RNF6: variants seen among roughly 807,000 people sequenced by gnomAD.
RNF6 encodes ring finger protein 6.
In RNF6, 21 loss-of-function variants were observed where a neutral mutation model predicts 50.1. The observed-to-expected ratio is 0.42, with a 90% CI of 0.30 to 0.60. The LOEUF is 0.60. RNF6 is among the 20% of genes least tolerant of loss of function. The pLI is 0.20. For synonymous variants in RNF6, 255 were observed against 291.8 expected, an observed-to-expected ratio of 0.87 and a Z score of 1.29; for missense variants, 698 against 838.2, an observed-to-expected ratio of 0.83 and a Z score of 2.07.
intron 5 of RNF6, among the ~76,000 whole-genome samples, chr13:26,184,000 A>ATATATT (rs1410596842): frequency 8.1e-3 from 79 of 9,730 alleles, no homozygotes; most frequent in African/African-American, 0.017. Context: ...AAATATATAT[A>ATATATT]TATATATATA....
intron 5 of RNF6, among the ~76,000 whole-genome samples, chr13:26,144,208 C>T (rs1233761232): frequency 6.6e-6 from 1 of 152,148 alleles, no homozygotes; most frequent in Non-Finnish European, 1.5e-5. Context: ...GCATAACCTC[C>T]ATCCCTGCCA....
At position 26,158,068 on chromosome 13, in the gene RNF6, A is replaced by G. The variant is rs1872033754; in HGVS notation, n.769-25617T>C. On this transcript the variant is annotated intron_variant and non_coding_transcript_variant, in intron 5 of 5. Coordinates refer to the RNF6 transcript ENST00000468480. ...GCTAGAAAGACAAATGGATGAATAG[A>G]TGAAACATGAATGGATAGATGGATA... 2.0e-5 allele frequency among the ~76,000 whole-genome samples: 3 copies of G among 152,160 alleles called. No individual in the cohort carries two copies. In the South Asian group the frequency reaches 6.2e-4, roughly 32 times the overall value.
In RNF6 at chr13:26,141,800, C is replaced by G. The variant is rs532785539; in HGVS notation, n.769-9349G>C. Among the ~76,000 whole-genome samples, 145 of 152,146 alleles carry G rather than the reference C, an allele frequency of 9.5e-4. 4 individuals are homozygous for G. In the South Asian group the frequency reaches 0.028, roughly 29 times the overall value. On this transcript the variant is annotated intron_variant and non_coding_transcript_variant, in intron 5 of 5. Transcript: ENST00000468480. ...ATTCTAAAAGAAAACCTAGGACATA[C>G]CTTTCTGGACATTGGCCTTGGAAAA... is the stretch of plus-strand genomic sequence containing the variant.
chr13:26,142,349 C>A (rs1262768833), intron 5 of RNF6: 2 of 152,116 alleles, frequency 1.3e-5, no homozygotes, highest in Non-Finnish European at 2.9e-5. Context: ...AAAAATAAAA[C>A]TACCATTCAA....
At position 26,219,623 on chromosome 13, in the gene RNF6, A is replaced by G. The variant is rs759587532; in HGVS notation, c.27T>C (p.Asp9=). Residue 9 remains aspartate (D), a synonymous_variant, in exon 3 of 5, where the codon GAT becomes GAC. Transcript: ENST00000381588. Reference sequence around the variant, plus strand: ...GAGGTAAGGTTTCTTCACTGCCACCATCTGATCTCGATCTAGACTGATTCA... The same window carrying G: ...GAGGTAAGGTTTCTTCACTGCCACCGTCTGATCTCGATCTAGACTGATTCA... MNQSRSRS[D]GGSEETLPQD... 3.1e-6 allele frequency: 5 copies of G among 1,613,518 alleles called. No homozygotes were observed. Among genetic ancestry groups the G allele is most frequent in the African/African-American group, 1.3e-5 (1 of 74,930 alleles).
intron 5 of RNF6, among the ~76,000 whole-genome samples, chr13:26,170,583 T>C (rs1456485328): frequency 6.6e-6 from 1 of 152,176 alleles, no homozygotes; most frequent in African/African-American, 2.4e-5. Context: ...AGTGTGATCT[T>C]GAAAATTATC....
chr13:26,158,523 C>A (rs748034751), intron 5 of RNF6, among the ~76,000 whole-genome samples: 12 of 152,062 alleles, frequency 7.9e-5, no homozygotes, highest in Non-Finnish European at 1.5e-4. Context: ...TTATAAATAT[C>A]TACTAGTAAA....
intron 4 of RNF6, among the ~76,000 whole-genome samples, chr13:26,216,771 G>A (rs1869922942): frequency 6.6e-6 from 1 of 152,076 alleles, no homozygotes; most frequent in Admixed American, 6.5e-5. Context: ...TGACTGACAT[G>A]GTAAAAACCT....
Position 26,215,359 on chromosome 13 carries a change from A to T in RNF6, c.523T>A (p.Ser175Thr), listed in dbSNP as rs533416473. Residue 175 changes from serine to threonine, a missense_variant, in exon 5 of 5, where the codon TCA becomes ACA. Coordinates refer to ENST00000381588, the MANE Select transcript of RNF6 (RefSeq NM_005977.4). ...GCAGTATGATCTCTGTTACTATCTG[A>T]AAGTGGAATGTCTGTATAATCTTCT... ...HGEDYTDIPL[S>T]DSNRDHTANR... The T allele has an allele frequency of 6.2e-7, 1 of 1,614,186 alleles. No individual in the cohort carries two copies. Among genetic ancestry groups the T allele is most frequent in the South Asian group, 1.1e-5 (1 of 91,084 alleles).
At chr13:26,132,298 CTGTT>C (rs1299980336) in exon 6 of RNF6, 1 of 333,550 alleles carries the variant, frequency 3.0e-6, no homozygotes, top group Admixed American at 4.1e-5. Flanking sequence ...AGAAAAAAAA[CTGTT>C]TGTGAAGAGA....
Position 26,214,432 on chromosome 13 carries a change from A to C in RNF6, c.1450T>G (p.Leu484Val). 6.2e-7 allele frequency: 1 copy of C among 1,614,170 alleles called. No homozygotes were observed. The highest frequency in any genetic ancestry group is 1.1e-5 in the South Asian group (1 of 91,078). Residue 484 changes from leucine (L) to valine (V), a missense_variant, in exon 5 of 5, where the codon TTA becomes GTA. By Grantham distance (32) the Leu-to-Val change is conservative (BLOSUM62 1). Coordinates refer to ENST00000381588, the MANE Select transcript of RNF6 (RefSeq NM_005977.4). Reference protein sequence around the residue: ...EPSSVALRSILRQIMTGFGEL... With the variant: ...EPSSVALRSIVRQIMTGFGEL... ...CCAAACCCAGTCATGATCTGCCTTA[A>C]AATTGACCGAAGAGCCACTGATGAT...
chr13:26,171,210 A>G (rs1390077414), intron 5 of RNF6, among the ~76,000 whole-genome samples: 2 of 152,200 alleles, frequency 1.3e-5, no homozygotes, highest in African/African-American at 4.8e-5. Context: ...TAAACAATCC[A>G]ATTCAAAAAT....
At chr13:26,199,965 G>A (rs1041415900) in intron 5 of RNF6, among the ~76,000 whole-genome samples, 36 of 152,032 alleles carry the variant, frequency 2.4e-4, no homozygotes, top group African/African-American at 8.7e-4. Context: ...AGATCCCAGC[G>A]AGCTCTCACC....
In RNF6 at chr13:26,183,136, G is replaced by T. The variant is rs560476586; in HGVS notation, n.768+32338C>A. Reference sequence around the variant, plus strand: ...AACACTGAACTATTCAAGTCAAAAAGACATGCTGTTCTATAGAAATCTGTT... The same window carrying T: ...AACACTGAACTATTCAAGTCAAAAATACATGCTGTTCTATAGAAATCTGTT... On this transcript the variant is annotated intron_variant and non_coding_transcript_variant, in intron 5 of 5. Coordinates refer to the RNF6 transcript ENST00000468480. 2.0e-5 allele frequency among the ~76,000 whole-genome samples: 3 copies of T among 152,288 alleles called. No homozygotes were observed. The South Asian group carries it at 6.2e-4, about 32-fold the overall frequency.
At chr13:26,186,690 C>G (rs9553761) in intron 5 of RNF6, among the ~76,000 whole-genome samples, 1 of 152,090 alleles carries the variant, frequency 6.6e-6, no homozygotes, top group Non-Finnish European at 1.5e-5. Context: ...TAGCGCGTTC[C>G]TTCGCTGTGC....
chr13:26,215,323 G>A lies in RNF6; in HGVS notation c.559C>T (p.Gln187Ter), dbSNP rs866467287. 9.3e-6 allele frequency: 15 copies of A among 1,614,066 alleles called. No homozygotes were observed. Among genetic ancestry groups the A allele is most frequent in the African/African-American group, 1.3e-5 (1 of 74,934 alleles). ...CTAGCCACAGGACTAGTTGACCTTT[G>A]TTGCCTATTTGCAGTATGATCTCTG... ...SNRDHTANRQ[Q>*]RSTSPVARRT... is the part of the protein sequence containing the mutation. Residue 187 changes from glutamine (Q) to a stop codon, truncating the protein, a stop_gained, in exon 5 of 5, where the codon CAA becomes TAA. Transcript: ENST00000381588. LOFTEE classifies it high-confidence loss of function.
intron 5 of RNF6, among the ~76,000 whole-genome samples, chr13:26,203,613 C>T (rs551692521): frequency 1.3e-4 from 20 of 152,342 alleles, no homozygotes; most frequent in Non-Finnish European, 2.4e-4. Flanking sequence ...AATATTAGAA[C>T]TGGGCCATTT....
intron 5 of RNF6, among the ~76,000 whole-genome samples, chr13:26,198,141 T>C (rs201436584): frequency 2.4e-5 from 3 of 123,518 alleles, no homozygotes; most frequent in Non-Finnish European, 5.3e-5. Context: ...TATATATATA[T>C]ATACACACAC....
In RNF6 at chr13:26,166,062, C is replaced by T. The variant is rs183266824; in HGVS notation, n.769-33611G>A. Among the ~76,000 whole-genome samples the T allele has an allele frequency of 3.8e-3, 578 of 152,184 alleles. 1 individual carries two copies. Among genetic ancestry groups the T allele is most frequent in the Non-Finnish European group, 6.2e-3 (421 of 68,008 alleles). On this transcript the variant is annotated intron_variant and non_coding_transcript_variant, in intron 5 of 5. Coordinates refer to the RNF6 transcript ENST00000468480. ...ATTCCCACATGTTGTGGGAGGGACC[C>T]GGTGAGAGGTAATTGAATCACAGGG...
Sources: allele counts gnomAD v4.1 joint callset (sites outside exome capture counted in the v4.1 genomes callset), GRCh38; gene constraint gnomAD v4.1.1; transcripts MANE v1.5; gene names NCBI Gene and HGNC (gene_info 2026-07-23, HGNC 2026-07-21).